The following ICA1 variants were observed in gnomAD, a reference collection of about 807,000 sequenced individuals.
ICA1 encodes the protein islet cell autoantigen 1.
Under a neutral mutation model 71.0 loss-of-function variants are expected in ICA1, and 40 were observed. The observed-to-expected ratio is 0.56, with a 90% CI of 0.44 to 0.73. The LOEUF (loss-of-function observed/expected upper bound fraction) is 0.73. Ranked by LOEUF, ICA1 falls within the 30% of genes least tolerant of loss-of-function variation. The pLI is 0.00. For synonymous variants in ICA1, 207 were observed against 209.5 expected (o/e 0.99, Z 0.10); for missense variants, 578 against 576.5 (o/e 1.00, Z -0.03).
intron 1 of ICA1, among the ~76,000 whole-genome samples, chr7:8,240,711 G>C (rs1336254058): frequency 1.3e-5 from 2 of 152,106 alleles, no homozygotes; most frequent in Non-Finnish European, 2.9e-5. Context: ...GTGTAGAGAA[G>C]ACTTAAATGA....
chr7:8,116,745 A>G (rs3807852), intron 13 of ICA1, among the ~76,000 whole-genome samples: 85,670 of 152,138 alleles, frequency 0.56, 26,040 homozygotes, highest in Non-Finnish European at 0.66. Context: ...GTAACTGCAC[A>G]TCTTCTCGAC....
chr7:8,142,676 A>G (rs959922985), intron 9 of ICA1, among the ~76,000 whole-genome samples: 1 of 152,250 alleles, frequency 6.6e-6, no homozygotes, highest in African/African-American at 2.4e-5. Flanking sequence ...TTACATGACA[A>G]GGAAAATCCC....
At chr7:8,166,188 A>T (rs1805890066) in intron 6 of ICA1, among the ~76,000 whole-genome samples, 3 of 152,238 alleles carry the variant, frequency 2.0e-5, no homozygotes, top group Admixed American at 1.3e-4. Context: ...GTAATTATTA[A>T]TAATGGCCTA....
At chr7:8,235,112 T>C (rs1278739287) in intron 2 of ICA1, among the ~76,000 whole-genome samples, 3 of 151,694 alleles carry the variant, frequency 2.0e-5, no homozygotes, top group Non-Finnish European at 4.4e-5. Flanking sequence ...TGCAGTGAGC[T>C]GAGATTGCAC....
chr7:8,253,536 G>C (rs572394491), intron 1 of ICA1, among the ~76,000 whole-genome samples: 63 of 152,052 alleles, frequency 4.1e-4, no homozygotes, highest in Non-Finnish European at 8.4e-4. Context: ...AAGAAAATGG[G>C]TTTGGACTGC....
At chr7:8,143,188 TC>T (rs1795797878) in intron 9 of ICA1, among the ~76,000 whole-genome samples, 1 of 152,152 alleles carries the variant, frequency 6.6e-6, no homozygotes, top group Admixed American at 6.5e-5. Context: ...ATGATACAGA[TC>T]CACATTTCAA....
intron 1 of ICA1, among the ~76,000 whole-genome samples, chr7:8,244,931 A>G (rs1193934825): frequency 6.6e-6 from 1 of 152,214 alleles, no homozygotes; most frequent in Non-Finnish European, 1.5e-5. Context: ...GAGGATGTGG[A>G]GAAACAGGAA....
rs140570057 is a variant in ICA1, at chr7:8,258,992, C to T, written c.-80+3102G>A. The stretch of plus-strand genomic sequence containing the variant: ...GCTTTGTGAAGGAAGAGGACAGAGG[C>T]TCATTTTAGAGTAGTGTGCTGGACA... On this transcript the variant is annotated intron_variant, in intron 1 of 13. Coordinates refer to ENST00000402384, the MANE Select transcript of ICA1 (RefSeq NM_001136020.3). Among the ~76,000 whole-genome samples the T allele has an allele frequency of 1.2e-4, 19 of 152,256 alleles. No individual in the cohort carries two copies. The East Asian group carries it at 3.3e-3, about 26-fold the overall frequency.
Position 8,235,968 on chromosome 7 carries a change from G to A in ICA1, c.-42C>T, listed in dbSNP as rs1801726285. ...ATTGTTGATGATTTGGGGAGAAGGG[G>A]CAGGAAAAAAGCATGAGAGGATAAG... On this transcript the variant is annotated 5_prime_UTR_variant, in exon 2 of 14. Transcript: ENST00000402384. 1.2e-6 allele frequency: 2 copies of A among 1,603,802 alleles called. No homozygotes were observed. Among genetic ancestry groups the A allele is most frequent in the East Asian group, 2.2e-5 (1 of 44,708 alleles).
chr7:8,214,577 G>A (rs1486476762), intron 6 of ICA1, among the ~76,000 whole-genome samples: 1 of 152,186 alleles, frequency 6.6e-6, no homozygotes, highest in Non-Finnish European at 1.5e-5. Context: ...TATTGACAAG[G>A]AGCAGATGCC....
chr7:8,193,093 T>C (rs1786260973), intron 6 of ICA1, among the ~76,000 whole-genome samples: 1 of 152,358 alleles, frequency 6.6e-6, no homozygotes, highest in East Asian at 1.9e-4. Flanking sequence ...AGAGTGAAAC[T>C]GCTTCAAGGT....
intron 6 of ICA1, among the ~76,000 whole-genome samples, chr7:8,186,355 G>C (rs1307126989): frequency 6.6e-6 from 1 of 152,224 alleles, no homozygotes; most frequent in African/African-American, 2.4e-5. Flanking sequence ...GGTCACTGTG[G>C]AGAATAGGCT....
intron 8 of ICA1, among the ~76,000 whole-genome samples, chr7:8,154,492 A>C (rs1224295134): frequency 6.6e-6 from 1 of 152,250 alleles, no homozygotes; most frequent in African/African-American, 2.4e-5. Flanking sequence ...CAAAGAAAAC[A>C]AATGGCTTGC....
At chr7:8,153,033 A>T (rs1338008133) in intron 8 of ICA1, among the ~76,000 whole-genome samples, 1 of 151,998 alleles carries the variant, frequency 6.6e-6, no homozygotes, top group Non-Finnish European at 1.5e-5. Context: ...CTCCTTTGTC[A>T]CCACCGCTGC....
rs182115392 is a variant in ICA1 at position 8,252,838 on chromosome 7, G to C, written c.-80+9256C>G. On this transcript the variant is annotated intron_variant, in intron 1 of 13. Coordinates refer to ENST00000402384, the MANE Select transcript of ICA1 (RefSeq NM_001136020.3). ...ACAATATTTTGAATATTTTGGGTTA[G>C]ATCAAATAAATTATCAATTTAATTT... 2.0e-4 allele frequency among the ~76,000 whole-genome samples: 30 copies of C among 151,614 alleles called. No homozygotes were observed. In the East Asian group the frequency reaches 2.3e-3, roughly 12 times the overall value.
intron 12 of ICA1, among the ~76,000 whole-genome samples, chr7:8,133,983 G>GCT (rs1745594890): frequency 6.6e-6 from 1 of 150,778 alleles, no homozygotes; most frequent in Non-Finnish European, 1.5e-5. Flanking sequence ...AGACAATCTT[G>GCT]CTAGGGACCC....
At position 8,149,962 on chromosome 7, in the gene ICA1, G is replaced by A. The variant is rs141863218; in HGVS notation, c.805-5990C>T. 1.5e-3 allele frequency among the ~76,000 whole-genome samples: 231 copies of A among 152,226 alleles called. 1 individual carries two copies. The highest frequency in any genetic ancestry group is 5.2e-3 in the African/African-American group (214 of 41,504). ...ACATACGTACTCTCTTGCTCTCACC[G>A]TACACTTACAAATTTATAAAGACAC... On this transcript the variant is annotated intron_variant, in intron 8 of 13. Transcript: ENST00000402384.
At chr7:8,126,336 GA>G (rs1272716886) in intron 13 of ICA1, among the ~76,000 whole-genome samples, 1 of 152,122 alleles carries the variant, frequency 6.6e-6, no homozygotes, top group African/African-American at 2.4e-5. Context: ...GGTGGGTGGG[GA>G]TGAAACTCTA....
intron 4 of ICA1, among the ~76,000 whole-genome samples, chr7:8,225,165 T>A (rs1798234485): frequency 6.6e-6 from 1 of 152,208 alleles, no homozygotes; most frequent in African/African-American, 2.4e-5. Flanking sequence ...TCAGTGAATC[T>A]CACCTGTCAC....
Sources: allele counts gnomAD v4.1 joint callset (sites outside exome capture counted in the v4.1 genomes callset), GRCh38; gene constraint gnomAD v4.1.1; transcripts MANE v1.5; gene names NCBI Gene and HGNC (gene_info 2026-07-23, HGNC 2026-07-21).